The following LYRM4 variants were observed in gnomAD, a reference collection of about 807,000 sequenced individuals.
The protein encoded by LYRM4 is LYR motif-containing protein 4.
LYRM4 carries 9 observed loss-of-function variants against 11.7 expected under a neutral mutation model. The ratio of observed to expected loss-of-function variants is 0.77; its 90% CI spans 0.46 to 1.34. The LOEUF is 1.34. Among genes scored for constraint, LYRM4 ranks in the 40% most tolerant of loss-of-function variants. The probability of loss-of-function intolerance (pLI) is 0.00; values close to 1 mark genes in which losing one functional copy is unlikely to be tolerated. For synonymous variants in LYRM4, 42 were observed against 40.4 expected, an observed-to-expected ratio of 1.04 and a Z score of -0.15; for missense variants, 133 against 112.5, an observed-to-expected ratio of 1.18 and a Z score of -0.82.
chr6:5,196,632 C>T (rs1367362052), intron 2 of LYRM4, among the ~76,000 whole-genome samples: 1 of 152,204 alleles, frequency 6.6e-6, no homozygotes, highest in Non-Finnish European at 1.5e-5. Flanking sequence ...TCAGGGGAAA[C>T]ATATTTGCAT....
chr6:5,132,108 C>T (rs1763982025), intron 2 of LYRM4, among the ~76,000 whole-genome samples: 1 of 152,188 alleles, frequency 6.6e-6, no homozygotes, highest in African/African-American at 2.4e-5. Context: ...GGCATTTTTG[C>T]ATCTCATCTC....
the LYRM4 span, among the ~76,000 whole-genome samples, chr6:5,044,481 A>G: frequency 1.1e-4 from 16 of 152,326 alleles, no homozygotes; most frequent in South Asian, 3.3e-3. Context: ...CCTCATCACC[A>G]GTGCCAGGGT....
chr6:5,086,237 G>C, the LYRM4 span: 48 of 1,535,416 alleles, frequency 3.1e-5, no homozygotes, highest in Non-Finnish European at 4.1e-5. Context: ...GTGACCGTGC[G>C]CTACACCTTT....
chr6:5,163,358 G>A (rs545679665), intron 2 of LYRM4, among the ~76,000 whole-genome samples: 1 of 152,256 alleles, frequency 6.6e-6, no homozygotes, highest in East Asian at 1.9e-4. Flanking sequence ...ACATAATCAG[G>A]TGACTGTATA....
intron 2 of LYRM4, among the ~76,000 whole-genome samples, chr6:5,176,924 T>C (rs1759753364): frequency 2.6e-5 from 4 of 152,312 alleles, no homozygotes; most frequent in Middle Eastern, 6.8e-3. Flanking sequence ...ATGAGTAGTG[T>C]TGTCCACAGG....
At chr6:5,212,261 T>C (rs1762023090) in intron 2 of LYRM4, among the ~76,000 whole-genome samples, 1 of 152,234 alleles carries the variant, frequency 6.6e-6, no homozygotes, top group South Asian at 2.1e-4. Context: ...ATAGTTATTC[T>C]AACTAACGCC....
At chr6:5,081,276 G>T in the LYRM4 span, among the ~76,000 whole-genome samples, 3 of 152,202 alleles carry the variant, frequency 2.0e-5, no homozygotes, top group South Asian at 2.1e-4. Flanking sequence ...AAGCTTAGGG[G>T]ACAGTGAGCT....
At chr6:5,238,130 AT>A (rs1763660058) in intron 1 of LYRM4, among the ~76,000 whole-genome samples, 2 of 152,164 alleles carry the variant, frequency 1.3e-5, no homozygotes, top group South Asian at 4.2e-4. Context: ...TATTTTCCTG[AT>A]TTTTCTTACT....
At chr6:5,168,984 G>A (rs1561845010) in intron 2 of LYRM4, among the ~76,000 whole-genome samples, 1 of 152,136 alleles carries the variant, frequency 6.6e-6, no homozygotes. Flanking sequence ...CTGGTGAACT[G>A]GGGAAGGTAT....
the LYRM4 span, chr6:5,085,686 C>CT: frequency 6.5e-7 from 1 of 1,548,258 alleles, no homozygotes; most frequent in Non-Finnish European, 8.7e-7. Context: ...AGGCCGCCCC[C>CT]CAGGAGCAGG....
At chr6:5,110,931 T>C (rs1762853141) in intron 2 of LYRM4, among the ~76,000 whole-genome samples, 1 of 152,160 alleles carries the variant, frequency 6.6e-6, no homozygotes, top group African/African-American at 2.4e-5. Flanking sequence ...AGGTCGGAAA[T>C]CATCTTGAGG....
chr6:5,227,635 T>A (rs1263496055), intron 1 of LYRM4, among the ~76,000 whole-genome samples: 2 of 152,176 alleles, frequency 1.3e-5, no homozygotes, highest in Non-Finnish European at 2.9e-5. Context: ...CATTACTGGG[T>A]ATATACCCAA....
intron 2 of LYRM4, among the ~76,000 whole-genome samples, chr6:5,201,802 A>C (rs1561867273): frequency 1.3e-5 from 2 of 152,184 alleles, no homozygotes; most frequent in African/African-American, 2.4e-5. Context: ...ATTTTAATAA[A>C]ATTCATTCTA....
At position 5,226,005 on chromosome 6, in the gene LYRM4, G is replaced by A. The variant is rs1762871336; in HGVS notation, c.87-9267C>T. Among the ~76,000 whole-genome samples, 3 of 152,180 alleles carry A rather than the reference G, an allele frequency of 2.0e-5. No individual in the cohort carries two copies. The South Asian group carries it at 6.2e-4, about 32-fold the overall frequency. On this transcript the variant is annotated intron_variant, in intron 1 of 2. Coordinates refer to ENST00000330636, the MANE Select transcript of LYRM4 (RefSeq NM_020408.6). ...TTATATCCTTTGCCTTTTCTTAATC[G>A]AGTGGTCTTTTGAATGGATTTGTAA...
At chr6:5,136,478 C>T in intron 2 of LYRM4, 3 of 958,420 alleles carry the variant, frequency 3.1e-6, no homozygotes, top group Non-Finnish European at 3.7e-6. Context: ...GGCTCCGAAA[C>T]CTTGGGTTTC....
chr6:5,070,604 G>A, the LYRM4 span, among the ~76,000 whole-genome samples: 2 of 148,562 alleles, frequency 1.3e-5, no homozygotes, highest in Non-Finnish European at 2.9e-5. Flanking sequence ...GGCTGGGTGC[G>A]GTGGTTTACA....
intron 1 of LYRM4, among the ~76,000 whole-genome samples, chr6:5,242,267 T>C (rs1461443596): frequency 1.3e-5 from 2 of 151,210 alleles, no homozygotes; most frequent in Non-Finnish European, 3.0e-5. Context: ...AAAGATGGGG[T>C]TTCACTATGT....
At chr6:5,084,939 A>G in the LYRM4 span, 1 of 153,096 alleles carries the variant, frequency 6.5e-6, no homozygotes, top group South Asian at 2.1e-4. Context: ...AGCCAAGAGG[A>G]GAGCGCTCAG....
chr6:5,074,711 G>GTAAGGGAAGTGAT, the LYRM4 span, among the ~76,000 whole-genome samples: 59 of 151,814 alleles, frequency 3.9e-4, no homozygotes, highest in Admixed American at 3.1e-3. Flanking sequence ...AGAAGCACAA[G>GTAAGGGAAGTGAT]TAAGGGAAGT....
Sources: allele counts gnomAD v4.1 joint callset (sites outside exome capture counted in the v4.1 genomes callset), GRCh38; gene constraint gnomAD v4.1.1; transcripts MANE v1.5; gene names NCBI Gene and HGNC (gene_info 2026-07-23, HGNC 2026-07-21).